Variants in PRKG1 observed in about 807,000 individuals in gnomAD.
PRKG1 encodes the protein cGMP-dependent protein kinase 1.
PRKG1 carries 35 observed loss-of-function variants against 88.1 expected under a neutral mutation model. That is an observed-to-expected ratio of 0.40 (90% CI 0.30 to 0.53). PRKG1 has a LOEUF of 0.53. Ranked by LOEUF, PRKG1 falls within the 20% of genes least tolerant of loss-of-function variation. The probability of loss-of-function intolerance (pLI) is 0.59; values close to 1 mark genes in which losing one functional copy is unlikely to be tolerated. For synonymous variants in PRKG1, 303 were observed against 292.5 expected (o/e 1.04, Z -0.37); for missense variants, 540 against 839.8 (o/e 0.64, Z 4.41).
chr10:51,081,614 T>C (rs114914658), intron 1 of PRKG1, among the ~76,000 whole-genome samples: 1 of 152,234 alleles, frequency 6.6e-6, no homozygotes, highest in South Asian at 2.1e-4. Flanking sequence ...GGGCAACAAC[T>C]CAGTGCATCC....
Position 52,121,200 on chromosome 10 carries a change from C to G in PRKG1, c.936-12640C>G, listed in dbSNP as rs991684398. ...ACAACAAATCATGAGGCCTTTAGAG[C>G]ATCTCTCTGGAAACCTTGCCTTCAA... On this transcript the variant is annotated intron_variant, in intron 7 of 17. Coordinates refer to ENST00000373980, the MANE Select transcript of PRKG1 (RefSeq NM_006258.4). 1.2e-4 allele frequency among the ~76,000 whole-genome samples: 19 copies of G among 152,228 alleles called. No homozygotes were observed. The South Asian group carries it at 1.5e-3, about 12-fold the overall frequency.
chr10:51,447,793 A>G (rs2132763055), intron 2 of PRKG1, among the ~76,000 whole-genome samples: 1 of 152,094 alleles, frequency 6.6e-6, no homozygotes, highest in South Asian at 2.1e-4. Flanking sequence ...ATTACTCTGG[A>G]TTACTTAGCT....
At chr10:51,830,525 A>G (rs1839976581) in intron 4 of PRKG1, among the ~76,000 whole-genome samples, 1 of 147,588 alleles carries the variant, frequency 6.8e-6, no homozygotes, top group African/African-American at 2.5e-5. Flanking sequence ...TAGTATAATT[A>G]CTTATTGAAC....
At chr10:51,557,677 C>G (rs896477711) in intron 3 of PRKG1, among the ~76,000 whole-genome samples, 2 of 152,030 alleles carry the variant, frequency 1.3e-5, no homozygotes, top group Non-Finnish European at 2.9e-5. Context: ...TACCACAAAG[C>G]TCTTAGCACA....
chr10:51,024,181 T>C (rs1026962475), intron 1 of PRKG1, among the ~76,000 whole-genome samples: 3 of 152,136 alleles, frequency 2.0e-5, no homozygotes, highest in African/African-American at 7.2e-5. Flanking sequence ...ATTGGGATCT[T>C]CCTCAGTATT....
intron 2 of PRKG1, among the ~76,000 whole-genome samples, chr10:51,372,946 A>AT (rs1019409164): frequency 1.3e-4 from 20 of 151,942 alleles, no homozygotes; most frequent in Non-Finnish European, 2.1e-4. Flanking sequence ...TTTGTTTAGG[A>AT]TTTTTTAACT....
At chr10:51,493,767 GC>G (rs5784870) in intron 3 of PRKG1, among the ~76,000 whole-genome samples, 42,688 of 152,004 alleles carry the variant, frequency 0.28, 7,027 homozygotes, top group East Asian at 0.79. Flanking sequence ...TCTTATTTGT[GC>G]CCTGTTTTAC....
chr10:51,690,053 TCTGGGGAGA>T (rs1841097179), intron 3 of PRKG1, among the ~76,000 whole-genome samples: 1 of 152,178 alleles, frequency 6.6e-6, no homozygotes, highest in Admixed American at 6.5e-5. Context: ...TGACTTGGCT[TCTGGGGAGA>T]CCTCAGGGAA....
chr10:51,226,392 A>G (rs1838694597), intron 2 of PRKG1, among the ~76,000 whole-genome samples: 1 of 152,166 alleles, frequency 6.6e-6, no homozygotes, highest in Non-Finnish European at 1.5e-5. Context: ...AGATTACTGG[A>G]AAGTCATGGA....
intron 5 of PRKG1, among the ~76,000 whole-genome samples, chr10:51,991,651 A>C (rs1844311345): frequency 6.6e-6 from 1 of 152,096 alleles, no homozygotes; most frequent in Non-Finnish European, 1.5e-5. Context: ...TGTCTTTGCG[A>C]TAGTTTGCTG....
intron 3 of PRKG1, among the ~76,000 whole-genome samples, chr10:51,638,330 A>G (rs16920796): frequency 0.043 from 6,475 of 152,264 alleles, 179 homozygotes; most frequent in Middle Eastern, 0.082. Context: ...ACTCCAAGCA[A>G]TTCTCACAGT....
chr10:51,810,531 A>G (rs899781037), intron 4 of PRKG1, among the ~76,000 whole-genome samples: 5 of 152,178 alleles, frequency 3.3e-5, no homozygotes, highest in African/African-American at 1.2e-4. Context: ...GCCAGATTTT[A>G]GTGCTGTGTA....
chr10:52,078,791 G>A (rs898308897), intron 7 of PRKG1, among the ~76,000 whole-genome samples: 2 of 152,194 alleles, frequency 1.3e-5, no homozygotes, highest in African/African-American at 4.8e-5. Flanking sequence ...TAAATATCCT[G>A]AAAAGTGCTG....
At chr10:52,230,242 C>T (rs566778228) in intron 9 of PRKG1, among the ~76,000 whole-genome samples, 1 of 152,180 alleles carries the variant, frequency 6.6e-6, no homozygotes, top group Non-Finnish European at 1.5e-5. Flanking sequence ...AAGCAACTCT[C>T]ATACCTAGAT....
At chr10:51,660,320 CT>C (rs1840268058) in intron 3 of PRKG1, among the ~76,000 whole-genome samples, 1 of 151,750 alleles carries the variant, frequency 6.6e-6, no homozygotes, top group Non-Finnish European at 1.5e-5. Flanking sequence ...TCATCATCAT[CT>C]TTTTTAGCCC....
At chr10:51,832,885 T>C (rs1009117586) in intron 4 of PRKG1, among the ~76,000 whole-genome samples, 2 of 152,106 alleles carry the variant, frequency 1.3e-5, no homozygotes, top group South Asian at 2.1e-4. Context: ...CTCAGAGGAA[T>C]AGGTGAAAAG....
chr10:52,240,550 A>G (rs1316144823), intron 9 of PRKG1, among the ~76,000 whole-genome samples: 2 of 152,180 alleles, frequency 1.3e-5, no homozygotes, highest in African/African-American at 4.8e-5. Flanking sequence ...AACAAGTTTT[A>G]TTGATACACC....
intron 3 of PRKG1, among the ~76,000 whole-genome samples, chr10:51,530,249 G>A (rs974944966): frequency 6.6e-6 from 1 of 152,110 alleles, no homozygotes; most frequent in African/African-American, 2.4e-5. Flanking sequence ...AGGTTTCCCA[G>A]ATGTTTGCAA....
chr10:52,180,306 A>T (rs1439433338), intron 9 of PRKG1, among the ~76,000 whole-genome samples: 3 of 152,206 alleles, frequency 2.0e-5, no homozygotes, highest in Non-Finnish European at 4.4e-5. Flanking sequence ...CATTCAAATC[A>T]TGAATTGTTT....
Sources: gnomAD v4.1 joint callset for allele counts (sites outside exome capture counted in the v4.1 genomes callset) on GRCh38, gnomAD v4.1.1 for gene constraint, MANE v1.5 for transcripts, NCBI Gene and HGNC (gene_info 2026-07-23, HGNC 2026-07-21) for gene names.